CC2D1A: variants seen among roughly 807,000 people sequenced by gnomAD.
CC2D1A encodes the protein coiled-coil and C2 domain containing 1A, also known as coiled-coil and C2 domain-containing protein 1A.
Under a neutral mutation model 123.8 loss-of-function variants are expected in CC2D1A, and 68 were observed. The observed-to-expected ratio is 0.55, with a 90% CI of 0.45 to 0.67. CC2D1A has a LOEUF of 0.67. Ranked by LOEUF, CC2D1A falls within the 30% of genes least tolerant of loss-of-function variation. CC2D1A has a pLI of 0.00. For missense variants in CC2D1A, 1,185 were observed against 1,290.3 expected, an observed-to-expected ratio of 0.92 and a Z score of 1.25; for synonymous variants, 477 against 528.0, an observed-to-expected ratio of 0.90 and a Z score of 1.32.
rs1199619146 is a variant in CC2D1A at position 13,919,012 on chromosome 19, G to A, written c.1119G>A (p.Arg373=). 3.7e-6 allele frequency: 6 copies of A among 1,608,320 alleles called. No homozygotes were observed. Among genetic ancestry groups the A allele is most frequent in the African/African-American group, 1.3e-5 (1 of 74,912 alleles). Residue 373 remains arginine (R), a synonymous_variant, in exon 10 of 29, where the codon CGG becomes CGA. Coordinates refer to ENST00000318003, the MANE Select transcript of CC2D1A (RefSeq NM_017721.5). The stretch of plus-strand genomic sequence containing the variant: ...AGGCCAAGAGCAAGGGGGACCAGCG[G>A]AAAGCTCGAATGCACGAGCGCATCG... The part of the protein sequence containing the change: ...AAQAKSKGDQ[R]KARMHERIVK...
chr19:13,927,899 G>C lies in CC2D1A; in HGVS notation c.2323G>C (p.Asp775His). The change falls in exon 23 of 29, where the codon GAT becomes CAT. Residue 775 changes from aspartate (D) to histidine (H), a missense_variant. Asp to His is a moderately conservative substitution (Grantham distance 81). Transcript: ENST00000318003. ...TCTCCTTACCCCCACCCAGGTCCTGGATGGTCGCCGGCCCACAGGGGGGCG... is the reference window on the plus strand; with the variant it reads ...TCTCCTTACCCCCACCCAGGTCCTGCATGGTCGCCGGCCCACAGGGGGGCG... ...CEVREILEVL[D>H]GRRPTGGRLE... 1 of 1,613,390 alleles carries C rather than the reference G, an allele frequency of 6.2e-7. No individual in the cohort carries two copies. The highest frequency in any genetic ancestry group is 8.5e-7 in the Non-Finnish European group (1 of 1,179,970).
chr19:13,927,235 G>A lies in CC2D1A; in HGVS notation c.2286G>A (p.Glu762=). The A allele has an allele frequency of 6.2e-7, 1 of 1,614,150 alleles. No homozygotes were observed. Among genetic ancestry groups the A allele is most frequent in the South Asian group, 1.1e-5 (1 of 91,088 alleles). ...CCCAGCTGAAGCTGGATGCACTGGA[G>A]ATAGCATGTGAGGTCCGGGAGATCC... ...GTAQLKLDAL[E]IACEVREILE... The change falls in exon 22 of 29, where the codon GAG becomes GAA. Residue 762 remains glutamate (E), a synonymous_variant. Transcript: ENST00000318003.
In CC2D1A at chr19:13,923,387, C is replaced by CAG. The variant is rs778089465; in HGVS notation, c.1696_1697insAG (p.Pro566GlnfsTer27). ...CTTTGCCCTGGTCCAGCGGCCTGGC[C>CAG]CGGGTCTGTCTCAGGAGGCCGCCCG... On this transcript the variant is annotated frameshift_variant, in exon 15 of 29. Transcript: ENST00000318003. LOFTEE classifies it high-confidence loss of function. This position sits in a 1 kb window ranked among gnomAD's most constrained non-coding sequence, Gnocchi z 5.3. The CAG allele has an allele frequency of 1.1e-5, 18 of 1,612,698 alleles. 1 individual carries two copies. In the South Asian group the frequency reaches 1.9e-4, roughly 17 times the overall value.
chr19:13,922,830 G>A (rs193085732), intron 14 of CC2D1A, among the ~76,000 whole-genome samples: 1 of 152,152 alleles, frequency 6.6e-6, no homozygotes, highest in South Asian at 2.1e-4. Context: ...CACTGCACCC[G>A]GCACCATACA....
In CC2D1A at chr19:13,912,541, A is replaced by G. The variant is rs1188722671; in HGVS notation, c.326A>G (p.Glu109Gly). ...ADDDLLAELNEVLGEEQKASE... is the reference protein window; with the variant it reads ...ADDDLLAELNGVLGEEQKASE... ...GTGTCCCTGCAGGCGGAGCTAAATG[A>G]GGTCCTTGGAGAGGAGCAGAAGGCT... The change falls in exon 4 of 29, where the codon GAG (glutamate) becomes GGG (glycine). Residue 109 changes from glutamate to glycine, a missense_variant. Coordinates refer to ENST00000318003, the MANE Select transcript of CC2D1A (RefSeq NM_017721.5). 6.2e-7 allele frequency: 1 copy of G among 1,614,108 alleles called. No homozygotes were observed. The highest frequency in any genetic ancestry group is 2.2e-5 in the East Asian group (1 of 44,880).
At chr19:13,913,912 G>A (rs1223380652) in intron 6 of CC2D1A, among the ~76,000 whole-genome samples, 1 of 151,980 alleles carries the variant, frequency 6.6e-6, no homozygotes, top group African/African-American at 2.4e-5. Context: ...ATGGAGTTTC[G>A]TTCTTGTTGC....
Position 13,927,925 on chromosome 19 carries a change from A to C in CC2D1A, c.2349A>C (p.Arg783=), listed in dbSNP as rs368090609. ...VLDGRRPTGG[R]LEVMVRIREP... is the part of the protein sequence containing the mutation. ...ATGGTCGCCGGCCCACAGGGGGGCG[A>C]CTGGAGGTAATGGTCCGGATTCGGG... The change falls in exon 23 of 29, where the codon CGA becomes CGC. Residue 783 remains arginine (R), a synonymous_variant. Coordinates refer to ENST00000318003, the MANE Select transcript of CC2D1A (RefSeq NM_017721.5). 38 of 1,613,172 alleles carry C rather than the reference A, an allele frequency of 2.4e-5. No homozygotes were observed. The highest frequency in any genetic ancestry group is 3.1e-5 in the Non-Finnish European group (36 of 1,179,926).
chr19:13,914,328 CT>C, intron 6 of CC2D1A, among the ~76,000 whole-genome samples: 1 of 151,104 alleles, frequency 6.6e-6, no homozygotes, highest in Middle Eastern at 3.5e-3. Flanking sequence ...GCACCACACA[CT>C]TGGCTAATTT....
chr19:13,921,032 C>A, intron 14 of CC2D1A, 110 bp downstream of exon 14: 1 of 1,014,504 alleles, frequency 9.9e-7, no homozygotes, highest in Non-Finnish European at 1.4e-6. Flanking sequence ...GCTGCTGTAA[C>A]AAATAGGTCC....
intron 11 of CC2D1A, 44 bp downstream of exon 11, chr19:13,919,246 C>T (rs765757006): frequency 2.5e-5 from 37 of 1,462,898 alleles, no homozygotes; most frequent in Non-Finnish European, 3.2e-5. Flanking sequence ...GGCCCCGCCC[C>T]CGTAGGCCCC....
At chr19:13,926,492 G>T (rs1471738935) in intron 17 of CC2D1A, 25 bp from the exon 18 acceptor site, 1 of 1,609,596 alleles carries the variant, frequency 6.2e-7, no homozygotes, top group Non-Finnish European at 8.5e-7. Flanking sequence ...CTGCCCACCT[G>T]CCTGCCCACC....
rs759567150 is a variant in CC2D1A, at chr19:13,906,947, C to T, written c.60+446C>T. ...AGCTTATGGCACTGTGGCTGGACCC[C>T]TTCTCACTCTCCCGACTTCTTTGCC... On this transcript the variant is annotated intron_variant, in intron 1 of 28. Transcript: ENST00000318003. The surrounding 1 kb of genome is among the most constrained non-coding windows in gnomAD (Gnocchi z 4.1). Among the ~76,000 whole-genome samples, 24 of 152,194 alleles carry T rather than the reference C, an allele frequency of 1.6e-4. No homozygotes were observed. Among genetic ancestry groups the T allele is most frequent in the Non-Finnish European group, 3.2e-4 (22 of 68,038 alleles).
intron 14 of CC2D1A, among the ~76,000 whole-genome samples, chr19:13,921,508 GCC>G (rs1971409417): frequency 6.6e-6 from 1 of 152,130 alleles, no homozygotes; most frequent in African/African-American, 2.4e-5. Context: ...GGCCACCCCT[GCC>G]TCAAAGAAAG....
At chr19:13,911,398 C>T (rs1970989582) in intron 2 of CC2D1A, among the ~76,000 whole-genome samples, 1 of 152,158 alleles carries the variant, frequency 6.6e-6, no homozygotes, top group African/African-American at 2.4e-5. Flanking sequence ...CTTCTCTGCT[C>T]CAACCTACCT....
intron 24 of CC2D1A, among the ~76,000 whole-genome samples, chr19:13,928,487 AC>A (rs1971736673): frequency 6.6e-6 from 1 of 151,320 alleles, no homozygotes; most frequent in South Asian, 2.1e-4. Flanking sequence ...TGCCCTGAAC[AC>A]CCCTACCTAG....
Position 13,930,382 on chromosome 19 carries a change from G to A in CC2D1A, c.2843G>A (p.Arg948Gln), listed in dbSNP as rs778770325. The change falls in exon 29 of 29, where the codon CGG becomes CAG. Residue 948 changes from arginine (R) to glutamine (Q), a missense_variant. Transcript: ENST00000318003. This position sits in a 1 kb window ranked among gnomAD's most constrained non-coding sequence, Gnocchi z 6.8. The part of the protein sequence containing the change: ...RRNLVESELQ[R>Q]LRR ...TGGCCTCCTCTCCCCCAGCTGCAGC[G>A]GCTCCGCAGGTGAGGAGCCCATGGG... The A allele has an allele frequency of 1.4e-5, 22 of 1,612,602 alleles. No homozygotes were observed. The Middle Eastern group carries it at 8.3e-4, about 61-fold the overall frequency.
intron 22 of CC2D1A, chr19:13,927,574 C>A (rs1045559733): frequency 4.8e-5 from 22 of 456,694 alleles, no homozygotes; most frequent in Non-Finnish European, 7.6e-5. Flanking sequence ...GTCAGGAGAT[C>A]GAGACCATCC....
At position 13,913,600 on chromosome 19, in the gene CC2D1A, C is replaced by T. The variant is rs746903349; in HGVS notation, c.710C>T (p.Ala237Val). The T allele has an allele frequency of 6.2e-7, 1 of 1,612,854 alleles. No homozygotes were observed. The highest frequency in any genetic ancestry group is 1.3e-5 in the African/African-American group (1 of 75,052). The change falls in exon 6 of 29, where the codon GCC becomes GTC. Residue 237 changes from alanine (A) to valine (V), a missense_variant. Physicochemically the swap from Ala to Val is moderately conservative, Grantham distance 64. Coordinates refer to ENST00000318003, the MANE Select transcript of CC2D1A (RefSeq NM_017721.5). ...GAGGGACCTTCTGCCACCGCCCCAG[C>T]CTCATCTCCAGGCTTGGCTAAGCCC... The part of the protein sequence containing the change: ...TLEGPSATAP[A>V]SSPGLAKPQM...
Position 13,930,320 on chromosome 19 carries a change from G to A in CC2D1A, c.2835+31G>A. On this transcript the variant is annotated intron_variant, in intron 28 of 28. Coordinates refer to ENST00000318003, the MANE Select transcript of CC2D1A (RefSeq NM_017721.5). This position sits in a 1 kb window ranked among gnomAD's most constrained non-coding sequence, Gnocchi z 6.8. ...CAGCTTAGGAGATGGGGTGGTTGGG[G>A]GATCACTGTGGTCGTAGCCCACCTC... is the stretch of plus-strand genomic sequence containing the variant. 2.5e-6 allele frequency: 4 copies of A among 1,613,858 alleles called. No homozygotes were observed. Among genetic ancestry groups the A allele is most frequent in the Non-Finnish European group, 3.4e-6 (4 of 1,179,842 alleles).
Sources: gnomAD v4.1 joint callset for allele counts (sites outside exome capture counted in the v4.1 genomes callset) on GRCh38, gnomAD v4.1.1 for gene constraint, Gnocchi (gnomAD v3.1) non-coding constraint, MANE v1.5 for transcripts, NCBI Gene and HGNC (gene_info 2026-07-23, HGNC 2026-07-21) for gene names.